Variants in LAMA2 observed in about 807,000 individuals in gnomAD.
The protein encoded by LAMA2 is laminin subunit alpha 2, also known as laminin subunit alpha-2.
A neutral mutation model predicts 364.8 loss-of-function variants in LAMA2; 269 were observed. The ratio of observed to expected loss-of-function variants is 0.74; its 90% CI spans 0.67 to 0.82. LAMA2 has a LOEUF of 0.82. LAMA2 is among the 40% of genes least tolerant of loss of function. LAMA2 has a pLI of 0.00. For missense variants in LAMA2, 3,807 were observed against 3,873.2 expected, an observed-to-expected ratio of 0.98 and a Z score of 0.45; for synonymous variants, 1,379 against 1,370.6, an observed-to-expected ratio of 1.01 and a Z score of -0.14.
intron 43 of LAMA2, 37 bp from the exon 44 acceptor site, chr6:129,443,024 ATT>A (rs530596252): frequency 1.3e-6 from 2 of 1,492,264 alleles, no homozygotes; most frequent in African/African-American, 1.4e-5. Context: ...TGAATTTATA[ATT>A]TTTTTTTGTT....
intron 12 of LAMA2, among the ~76,000 whole-genome samples, chr6:129,217,821 T>A (rs954595474): frequency 2.6e-5 from 4 of 152,158 alleles, no homozygotes; most frequent in African/African-American, 7.2e-5. Context: ...CACCTCCTAT[T>A]TATAGGCTTG....
In LAMA2 at chr6:129,216,812, A is replaced by T. The variant is rs531046812; in HGVS notation, c.1782+23959A>T. 5.9e-5 allele frequency among the ~76,000 whole-genome samples: 9 copies of T among 152,202 alleles called. No homozygotes were observed. In the South Asian group the frequency reaches 1.9e-3, roughly 32 times the overall value. The stretch of plus-strand genomic sequence containing the variant: ...GTTGGAAAGGGTTGTAATGATCAGA[A>T]ACACATATTATACCTAAACATGTAT... On this transcript the variant is annotated intron_variant, in intron 12 of 64. Transcript: ENST00000421865.
intron 3 of LAMA2, among the ~76,000 whole-genome samples, chr6:129,079,176 G>T (rs1018861310): frequency 3.9e-5 from 6 of 152,168 alleles, no homozygotes; most frequent in Admixed American, 1.3e-4. Flanking sequence ...GTAAACTGAA[G>T]TCTGAAAATA....
chr6:129,480,713 A>T lies in LAMA2; in HGVS notation c.7573-550A>T, dbSNP rs536930148. ...TATACTGAGCAAGGACAATGGTATT[A>T]CTTTAATATTGAGAAAAAACTAGAC... On this transcript the variant is annotated intron_variant, in intron 54 of 64. Coordinates refer to ENST00000421865, the MANE Select transcript of LAMA2 (RefSeq NM_000426.4). 3.3e-5 allele frequency among the ~76,000 whole-genome samples: 5 copies of T among 152,170 alleles called. No individual in the cohort carries two copies. In the East Asian group the frequency reaches 9.6e-4, roughly 29 times the overall value.
Position 129,308,064 on chromosome 6 carries a change from C to T in LAMA2, c.3175-4797C>T, listed in dbSNP as rs147109428. On this transcript the variant is annotated intron_variant, in intron 22 of 64. Coordinates refer to ENST00000421865, the MANE Select transcript of LAMA2 (RefSeq NM_000426.4). ...ATATGCTGACCTAGAGGAAAACAAG[C>T]ATATTGATGATTCTTCAAGGAAGTT... is the stretch of plus-strand genomic sequence containing the variant. 2.9e-4 allele frequency among the ~76,000 whole-genome samples: 44 copies of T among 152,306 alleles called. No homozygotes were observed. The East Asian group carries it at 8.3e-3, about 29-fold the overall frequency.
chr6:129,081,269 G>A (rs1452845444), intron 3 of LAMA2, among the ~76,000 whole-genome samples: 1 of 151,962 alleles, frequency 6.6e-6, no homozygotes, highest in African/African-American at 2.4e-5. Context: ...GGGAGGGATA[G>A]CATTAGGAGA....
intron 37 of LAMA2, among the ~76,000 whole-genome samples, chr6:129,395,185 A>G (rs948294487): frequency 9.2e-5 from 14 of 152,094 alleles, no homozygotes; most frequent in South Asian, 2.1e-4. Context: ...TCTGATGCCT[A>G]TACAGGTTCG....
intron 12 of LAMA2, among the ~76,000 whole-genome samples, chr6:129,247,416 A>G (rs1203005918): frequency 6.6e-6 from 1 of 152,252 alleles, no homozygotes; most frequent in Admixed American, 6.5e-5. Context: ...GTGCCACTCC[A>G]CATCAGCCTG....
intron 12 of LAMA2, among the ~76,000 whole-genome samples, chr6:129,233,998 A>T (rs975761433): frequency 2.6e-5 from 4 of 152,180 alleles, no homozygotes; most frequent in Admixed American, 6.6e-5. Flanking sequence ...TCCGCATCTG[A>T]CCAAGGGCAG....
At chr6:128,927,762 C>T (rs1779189235) in intron 1 of LAMA2, among the ~76,000 whole-genome samples, 1 of 151,872 alleles carries the variant, frequency 6.6e-6, no homozygotes, top group Non-Finnish European at 1.5e-5. Flanking sequence ...CGTTTTTTGT[C>T]ACAATTAATT....
In LAMA2 at chr6:129,512,410, C is replaced by T. The variant is rs374888837; in HGVS notation, c.8905C>T (p.Arg2969Cys). The T allele has an allele frequency of 6.7e-5, 108 of 1,613,246 alleles. No individual in the cohort carries two copies. The highest frequency in any genetic ancestry group is 4.5e-4 in the African/African-American group (34 of 74,984). ...GGACCTTCTTGTAGAATTTGAATTCCGCACAACTACAACGACTGGAGTTCT... is the reference window on the plus strand; with the variant it reads ...GGACCTTCTTGTAGAATTTGAATTCTGCACAACTACAACGACTGGAGTTCT... ...GLDLLVEFEF[R>C]TTTTTGVLLG... The change falls in exon 63 of 65, where the codon CGC becomes TGC. Residue 2969 changes from arginine to cysteine, a missense_variant. Physicochemically the swap from Arg to Cys is radical, Grantham distance 180. This residue lies in a region of LAMA2 where 3,333 missense variants were observed against 3,345.7 expected (regional missense o/e 1.00). Transcript: ENST00000421865.
chr6:129,178,975 G>GT (rs1780775071), intron 10 of LAMA2, among the ~76,000 whole-genome samples: 1 of 152,288 alleles, frequency 6.6e-6, no homozygotes, highest in Non-Finnish European at 1.5e-5. Context: ...TGTGGACACA[G>GT]TAAGCAGAAA....
intron 15 of LAMA2, among the ~76,000 whole-genome samples, chr6:129,263,916 T>G (rs1443127593): frequency 1.3e-5 from 2 of 150,952 alleles, no homozygotes; most frequent in East Asian, 2.1e-4. Flanking sequence ...TTTTTTTTTG[T>G]TTGTTTTAAT....
intron 1 of LAMA2, among the ~76,000 whole-genome samples, chr6:128,956,629 C>G (rs1350403309): frequency 1.3e-5 from 2 of 151,988 alleles, no homozygotes; most frequent in Admixed American, 1.3e-4. Context: ...ATATGTCTGT[C>G]TAGTAATTTT....
At chr6:128,991,759 C>T (rs1215509012) in intron 1 of LAMA2, among the ~76,000 whole-genome samples, 2 of 152,040 alleles carry the variant, frequency 1.3e-5, no homozygotes, top group Non-Finnish European at 2.9e-5. Context: ...GGCAAACTAA[C>T]CATTCAAGTT....
chr6:129,374,212 T>G (rs1008374772), intron 34 of LAMA2, among the ~76,000 whole-genome samples: 1 of 152,222 alleles, frequency 6.6e-6, no homozygotes, highest in African/African-American at 2.4e-5. Context: ...CAGATGGAAT[T>G]ATAATTAGAG....
chr6:129,046,782 T>G (rs1787539481), intron 1 of LAMA2, among the ~76,000 whole-genome samples: 1 of 152,218 alleles, frequency 6.6e-6, no homozygotes, highest in South Asian at 2.1e-4. Context: ...GAGACCATAC[T>G]TATATGCCAT....
chr6:128,987,104 C>T (rs1374762779), intron 1 of LAMA2, among the ~76,000 whole-genome samples: 6 of 145,552 alleles, frequency 4.1e-5, no homozygotes, highest in Non-Finnish European at 9.1e-5. Flanking sequence ...TGCTTTTTGT[C>T]ATTGCATCTT....
chr6:128,934,353 A>G (rs945697202), intron 1 of LAMA2, among the ~76,000 whole-genome samples: 11 of 152,120 alleles, frequency 7.2e-5, no homozygotes, highest in Non-Finnish European at 1.3e-4. Context: ...TATAGTTTGA[A>G]ATCAGGACCC....
Sources: gnomAD v4.1 joint callset for allele counts (sites outside exome capture counted in the v4.1 genomes callset) on GRCh38, gnomAD v4.1.1 for gene constraint, gnomAD v4.1.1 regional missense constraint, MANE v1.5 for transcripts, NCBI Gene and HGNC (gene_info 2026-07-23, HGNC 2026-07-21) for gene names.